The following NRCAM variants were observed in gnomAD, a reference collection of about 807,000 sequenced individuals.
NRCAM encodes the protein neuronal cell adhesion molecule.
A neutral mutation model predicts 156.5 loss-of-function variants in NRCAM; 83 were observed. The ratio of observed to expected loss-of-function variants is 0.53; its 90% CI spans 0.44 to 0.64. The LOEUF (loss-of-function observed/expected upper bound fraction) is 0.64, where lower values mean the gene tolerates loss of function less well. NRCAM is among the 30% of genes least tolerant of loss of function. NRCAM has a pLI of 0.00. For synonymous variants in NRCAM, 538 were observed against 563.9 expected, an observed-to-expected ratio of 0.95 and a Z score of 0.65; for missense variants, 1,417 against 1,597.3, an observed-to-expected ratio of 0.89 and a Z score of 1.92.
intron 3 of NRCAM, among the ~76,000 whole-genome samples, chr7:108,285,515 A>C (rs2154103560): frequency 6.6e-6 from 1 of 152,282 alleles, no homozygotes; most frequent in South Asian, 2.1e-4. Context: ...TGCTCAGAGG[A>C]GACAATGGAT....
intron 10 of NRCAM, among the ~76,000 whole-genome samples, chr7:108,225,392 A>C (rs2093273448): frequency 6.6e-6 from 1 of 152,224 alleles, no homozygotes; most frequent in Admixed American, 6.6e-5. Flanking sequence ...TTTCCAAATC[A>C]GTGAAATGGT....
At chr7:108,405,792 A>C (rs1403325289) in intron 1 of NRCAM, among the ~76,000 whole-genome samples, 1 of 152,172 alleles carries the variant, frequency 6.6e-6, no homozygotes, top group African/African-American at 2.4e-5. Flanking sequence ...AAAAGCCAGC[A>C]GCCTCTACAA....
intron 24 of NRCAM, among the ~76,000 whole-genome samples, chr7:108,181,457 T>C (rs1295465127): frequency 6.6e-6 from 1 of 152,216 alleles, no homozygotes; most frequent in Admixed American, 6.5e-5. Flanking sequence ...TAAATGATTA[T>C]CAGGATAATT....
intron 2 of NRCAM, among the ~76,000 whole-genome samples, chr7:108,313,646 C>CA (rs1257493367): frequency 6.6e-6 from 1 of 152,020 alleles, no homozygotes; most frequent in African/African-American, 2.4e-5. Context: ...CATTAAGTTG[C>CA]AAAAAATGTT....
chr7:108,281,151 T>A (rs898135650), intron 3 of NRCAM, among the ~76,000 whole-genome samples: 1 of 152,158 alleles, frequency 6.6e-6, no homozygotes, highest in Non-Finnish European at 1.5e-5. Flanking sequence ...AATATAAATC[T>A]ACCTTTTCCT....
At chr7:108,219,215 T>C (rs2091138267) in intron 11 of NRCAM, among the ~76,000 whole-genome samples, 1 of 150,792 alleles carries the variant, frequency 6.6e-6, no homozygotes, top group East Asian at 1.9e-4. Context: ...AAATAGTAAT[T>C]AAAAAATTAC....
chr7:108,229,036 T>C (rs766781983), intron 8 of NRCAM, among the ~76,000 whole-genome samples: 2 of 152,218 alleles, frequency 1.3e-5, no homozygotes, highest in African/African-American at 4.8e-5. Flanking sequence ...TTTAGTAATG[T>C]ATATGTCTTG....
intron 1 of NRCAM, among the ~76,000 whole-genome samples, chr7:108,433,677 A>G (rs1828562126): frequency 6.6e-6 from 1 of 152,054 alleles, no homozygotes; most frequent in Admixed American, 6.6e-5. Flanking sequence ...CCTTCTCACC[A>G]TGTGATCTCT....
chr7:108,201,233 C>G (rs1037508165), intron 13 of NRCAM, among the ~76,000 whole-genome samples: 1 of 151,442 alleles, frequency 6.6e-6, no homozygotes, highest in Non-Finnish European at 1.5e-5. Context: ...CACTTGGGCT[C>G]TCAGTGCTGG....
intron 10 of NRCAM, 90 bp from the exon 11 acceptor site, chr7:108,223,926 A>C: frequency 1.4e-6 from 1 of 692,176 alleles, no homozygotes; most frequent in South Asian, 1.7e-5. Flanking sequence ...TAAAATTCCA[A>C]TCCCTTTTTA....
At chr7:108,167,673 G>A (rs140933197) in intron 29 of NRCAM, among the ~76,000 whole-genome samples, 1 of 152,244 alleles carries the variant, frequency 6.6e-6, no homozygotes, top group Non-Finnish European at 1.5e-5. Context: ...TTCTATGTAA[G>A]CACACTGCAC....
chr7:108,420,620 T>C (rs1808295191), intron 1 of NRCAM, among the ~76,000 whole-genome samples: 1 of 152,176 alleles, frequency 6.6e-6, no homozygotes, highest in East Asian at 1.9e-4. Flanking sequence ...CAATTACTCA[T>C]TTTACACTTA....
chr7:108,398,296 C>G (rs571862546), intron 2 of NRCAM, among the ~76,000 whole-genome samples: 2 of 152,328 alleles, frequency 1.3e-5, no homozygotes, highest in African/African-American at 2.4e-5. Flanking sequence ...TTTCCTACTT[C>G]CCATGCCCAA....
chr7:108,393,965 C>T (rs148712047), intron 2 of NRCAM, among the ~76,000 whole-genome samples: 1 of 152,278 alleles, frequency 6.6e-6, no homozygotes, highest in African/African-American at 2.4e-5. Context: ...CTCCTGAGCA[C>T]AACCCCAAGG....
rs556063806 is a variant in NRCAM at position 108,177,580 on chromosome 7, A to G, written c.2974+410T>C. Among the ~76,000 whole-genome samples the G allele has an allele frequency of 3.7e-3, 560 of 151,334 alleles. 24 individuals carry two copies. The highest frequency in any genetic ancestry group is 0.037 in the Admixed American group (554 of 15,170). On this transcript the variant is annotated intron_variant, in intron 26 of 32. Coordinates refer to ENST00000379028, the MANE Select transcript of NRCAM (RefSeq NM_001037132.4). ...GGAGCTTGCAGTGAGCCAAGATCTC[A>G]CCACTGCACTCCAGCCTGGGTGACA... is the stretch of plus-strand genomic sequence containing the variant.
Position 108,338,481 on chromosome 7 carries a change from A to C in NRCAM, c.-173-25750T>G, listed in dbSNP as rs573523467. ...TAGGTATACAGTTCTCGACATGGGC[A>C]GTTATGTGGGACCCATTCCCCACCA... On this transcript the variant is annotated intron_variant, in intron 2 of 32. Transcript: ENST00000379028. Among the ~76,000 whole-genome samples, 10 of 152,294 alleles carry C rather than the reference A, an allele frequency of 6.6e-5. No homozygotes were observed. In the East Asian group the frequency reaches 1.9e-3, roughly 29 times the overall value.
At chr7:108,199,752 G>T (rs1333504949) in intron 13 of NRCAM, among the ~76,000 whole-genome samples, 1 of 152,096 alleles carries the variant, frequency 6.6e-6, no homozygotes, top group Non-Finnish European at 1.5e-5. Context: ...CCATCTCAAG[G>T]CCCTTAACCT....
At chr7:108,350,140 C>T (rs1400854866) in intron 2 of NRCAM, among the ~76,000 whole-genome samples, 1 of 152,162 alleles carries the variant, frequency 6.6e-6, no homozygotes, top group Non-Finnish European at 1.5e-5. Flanking sequence ...CAGGTTTCTG[C>T]TCAAATGTCA....
chr7:108,324,537 CAG>C lies in NRCAM; in HGVS notation c.-173-11808_-173-11807del, dbSNP rs149826807. On this transcript the variant is annotated intron_variant, in intron 2 of 32. Transcript: ENST00000379028. Reference sequence around the variant, plus strand: ...TGCTCCAAAACCACAAATGACTTGACAGGATTCTATTGAAGTTCTCTGTAAAG... The same window carrying C: ...TGCTCCAAAACCACAAATGACTTGACGATTCTATTGAAGTTCTCTGTAAAG... Among the ~76,000 whole-genome samples, 340 of 152,236 alleles carry C rather than the reference CAG, an allele frequency of 2.2e-3. 12 individuals carry two copies. In the East Asian group the frequency reaches 0.049, roughly 22 times the overall value.
Sources: allele counts gnomAD v4.1 joint callset (sites outside exome capture counted in the v4.1 genomes callset), GRCh38; gene constraint gnomAD v4.1.1; transcripts MANE v1.5; gene names NCBI Gene and HGNC (gene_info 2026-07-23, HGNC 2026-07-21).